ZIM2: variants seen among roughly 807,000 people sequenced by gnomAD.
ZIM2 encodes zinc finger protein 656.
ZIM2 carries 14 observed loss-of-function variants against 38.6 expected under a neutral mutation model. The ratio of observed to expected loss-of-function variants is 0.36; its 90% CI spans 0.24 to 0.57. The LOEUF is 0.57. ZIM2 is among the 20% of genes least tolerant of loss of function. ZIM2 has a pLI of 0.81. For missense variants in ZIM2, 680 were observed against 695.1 expected, an observed-to-expected ratio of 0.98 and a Z score of 0.24; for synonymous variants, 247 against 245.8, an observed-to-expected ratio of 1.00 and a Z score of -0.04.
At chr19:56,808,008 C>T (rs981042110) in intron 9 of ZIM2, among the ~76,000 whole-genome samples, 9 of 152,074 alleles carry the variant, frequency 5.9e-5, no homozygotes, top group Non-Finnish European at 7.4e-5. Flanking sequence ...TAATAGACTG[C>T]CTTTTCTCAG....
At chr19:56,810,036 T>G in intron 9 of ZIM2, 2 of 470,608 alleles carry the variant, frequency 4.2e-6, no homozygotes, top group Non-Finnish European at 5.6e-6. Flanking sequence ...CAAAATAACA[T>G]ATTTAAAGCC....
At chr19:56,824,917 T>C in intron 3 of ZIM2, 1 of 413,664 alleles carries the variant, frequency 2.4e-6, no homozygotes, top group Non-Finnish European at 4.4e-6. Context: ...ACCTCTGGGC[T>C]TCACAGAGAC....
intron 5 of ZIM2, among the ~76,000 whole-genome samples, 180 bp from the exon 6 acceptor site, chr19:56,823,016 A>C (rs2060649431): frequency 6.6e-6 from 1 of 152,178 alleles, no homozygotes; most frequent in Admixed American, 6.5e-5. Flanking sequence ...TATACCCGCA[A>C]CATGGTTTCT....
In ZIM2 at chr19:56,775,016, T is replaced by C; in HGVS notation, c.1349A>G (p.Lys450Arg). The change falls in exon 13 of 13, where the codon AAA (lysine) becomes AGA (arginine). Residue 450 changes from lysine to arginine, a missense_variant. Lys to Arg is a conservative substitution (Grantham distance 26, BLOSUM62 2). Transcript: ENST00000629319. ...EDYFECFQCG[K>R]AFLQNVHLLQ... Reference sequence around the variant, plus strand: ...AAGATGCACATTCTGGAGAAAAGCTTTGCCGCACTGAAAACATTCAAAGTA... The same window carrying C: ...AAGATGCACATTCTGGAGAAAAGCTCTGCCGCACTGAAAACATTCAAAGTA... 4 of 1,614,150 alleles carry C rather than the reference T, an allele frequency of 2.5e-6. No individual in the cohort carries two copies. The highest frequency in any genetic ancestry group is 3.4e-6 in the Non-Finnish European group (4 of 1,180,024).
rs35411517 is a variant in ZIM2 at position 56,814,275 on chromosome 19, G to A, written c.490+3471C>T. On this transcript the variant is annotated intron_variant, in intron 9 of 12. Coordinates refer to ENST00000629319, the MANE Select transcript of ZIM2 (RefSeq NM_001387356.1). This position sits in a 1 kb window ranked among gnomAD's most constrained non-coding sequence, Gnocchi z 5.8. Reference sequence around the variant, plus strand: ...CTGGCTCAGCAGCCTCTACGTTTAAGCCCTGAATCCTCAGAACTACTTGTG... The same window carrying A: ...CTGGCTCAGCAGCCTCTACGTTTAAACCCTGAATCCTCAGAACTACTTGTG... 691 of 1,613,000 alleles carry A rather than the reference G, an allele frequency of 4.3e-4. 1 individual carries two copies. In the African/African-American group the frequency reaches 8.1e-3, roughly 19 times the overall value.
intron 9 of ZIM2, chr19:56,815,301 G>A: frequency 6.2e-7 from 1 of 1,614,244 alleles, no homozygotes. Flanking sequence ...TCTGGTTTGT[G>A]TTGAGGTCTT....
At chr19:56,828,402 C>T (rs1490415927) in intron 2 of ZIM2, among the ~76,000 whole-genome samples, 1 of 152,176 alleles carries the variant, frequency 6.6e-6, no homozygotes, top group Non-Finnish European at 1.5e-5. Flanking sequence ...CTTGGCAATT[C>T]CACTTCTGAA....
In ZIM2 at chr19:56,779,275, C is replaced by T. The variant is rs138100926; in HGVS notation, c.835+102G>A. ...AGGGGAGTACTGAGGAGAAAGGGCACCTACCAGACTTCTCCTGGCCCAGGG... is the reference window on the plus strand; with the variant it reads ...AGGGGAGTACTGAGGAGAAAGGGCATCTACCAGACTTCTCCTGGCCCAGGG... On this transcript the variant is annotated intron_variant, in intron 12 of 12. Transcript: ENST00000629319. The T allele has an allele frequency of 4.7e-5, 54 of 1,157,906 alleles. No homozygotes were observed. The African/African-American group carries it at 6.8e-4, about 15-fold the overall frequency. 71.7% of individuals were successfully genotyped at this position (1,157,906 alleles called of 1,614,324 possible).
At chr19:56,821,543 C>A (rs2060487287) in intron 7 of ZIM2, 108 bp downstream of exon 7, 2 of 1,385,108 alleles carry the variant, frequency 1.4e-6, no homozygotes, top group Admixed American at 2.0e-5. Context: ...GGACTCTCAC[C>A]CCAGCTGGAC....
At chr19:56,833,144 G>C (rs770688983) in intron 2 of ZIM2, 2 of 517,174 alleles carry the variant, frequency 3.9e-6, no homozygotes, top group Non-Finnish European at 7.7e-6. Flanking sequence ...AAGAAATCCT[G>C]TGACTCCGGT....
chr19:56,822,171 T>A (rs2060559535), intron 6 of ZIM2, among the ~76,000 whole-genome samples: 1 of 152,220 alleles, frequency 6.6e-6, no homozygotes, highest in Non-Finnish European at 1.5e-5. Flanking sequence ...CGTCACTAAA[T>A]GTCACTCACT....
At chr19:56,838,933 A>G (rs1397022738) in intron 1 of ZIM2, among the ~76,000 whole-genome samples, 1 of 152,126 alleles carries the variant, frequency 6.6e-6, no homozygotes, top group East Asian at 1.9e-4. Context: ...GCGGGGCTTG[A>G]ACAGACCGTC....
In ZIM2 at chr19:56,774,999, C is replaced by A; in HGVS notation, c.1366G>T (p.Val456Leu). ...FQCGKAFLQN[V>L]HLLQHLKAHE... ...GCTTTGAGATGTTGAAGAAGATGCA[C>A]ATTCTGGAGAAAAGCTTTGCCGCAC... Residue 456 changes from valine (V) to leucine (L), a missense_variant, in exon 13 of 13, where the codon GTG becomes TTG. Val to Leu is a conservative substitution (Grantham distance 32). Transcript: ENST00000629319. The A allele has an allele frequency of 1.2e-6, 2 of 1,614,184 alleles. No individual in the cohort carries two copies. Among genetic ancestry groups the A allele is most frequent in the Non-Finnish European group, 1.7e-6 (2 of 1,180,034 alleles).
intron 8 of ZIM2, 114 bp downstream of exon 8, chr19:56,818,486 C>T (rs528472529): frequency 1.3e-5 from 14 of 1,102,770 alleles, no homozygotes; most frequent in Non-Finnish European, 1.8e-5. Context: ...TTTCTTATTA[C>T]CCTTGAAGTC....
intron 9 of ZIM2, chr19:56,811,876 C>CT: frequency 1.0e-6 from 1 of 985,470 alleles, no homozygotes; most frequent in Non-Finnish European, 1.2e-6. Context: ...TTTCTTCTGT[C>CT]TGTCTCCTCT....
At chr19:56,832,755 C>T (rs1016167025) in intron 2 of ZIM2, among the ~76,000 whole-genome samples, 2 of 152,120 alleles carry the variant, frequency 1.3e-5, no homozygotes, top group African/African-American at 4.8e-5. Flanking sequence ...GGGAGTCTGG[C>T]GTTCTTTGAT....
At chr19:56,840,407 C>T (rs1287652940) in intron 1 of ZIM2, among the ~76,000 whole-genome samples, 175 bp downstream of exon 1, 1 of 152,188 alleles carries the variant, frequency 6.6e-6, no homozygotes, top group Non-Finnish European at 1.5e-5. Flanking sequence ...TGCCCACTCT[C>T]GGACTGGGCA....
intron 9 of ZIM2, 63 bp from the exon 10 acceptor site, chr19:56,790,014 G>T: frequency 7.3e-7 from 1 of 1,364,784 alleles, no homozygotes. Context: ...CAGACACAGT[G>T]GCCAGCCACC....
At chr19:56,805,762 TGAG>T (rs968149562) in intron 9 of ZIM2, among the ~76,000 whole-genome samples, 1 of 152,064 alleles carries the variant, frequency 6.6e-6, no homozygotes, top group African/African-American at 2.4e-5. Context: ...AAAGAAAGGC[TGAG>T]GAGGTTTTCC....
Sources: allele counts gnomAD v4.1 joint callset (sites outside exome capture counted in the v4.1 genomes callset), GRCh38; gene constraint gnomAD v4.1.1; non-coding constraint Gnocchi (gnomAD v3.1); transcripts MANE v1.5; gene names NCBI Gene and HGNC (gene_info 2026-07-23, HGNC 2026-07-21).